The following ROBO1 variants were observed in gnomAD, a reference collection of about 807,000 sequenced individuals.
The protein encoded by ROBO1 is roundabout guidance receptor 1.
Under a neutral mutation model 195.9 loss-of-function variants are expected in ROBO1, and 149 were observed. That is an observed-to-expected ratio of 0.76 (90% CI 0.67 to 0.87). The LOEUF is 0.87. ROBO1 is among the 40% of genes least tolerant of loss of function. The pLI, the probability that ROBO1 is intolerant of heterozygous loss-of-function variation, is 0.00. For missense variants in ROBO1, 1,933 were observed against 2,068.3 expected (o/e 0.93, Z 1.27); for synonymous variants, 816 against 733.2 (o/e 1.11, Z -1.82).
At chr3:79,212,710 C>T (rs1047643165) in intron 2 of ROBO1, among the ~76,000 whole-genome samples, 1 of 151,932 alleles carries the variant, frequency 6.6e-6, no homozygotes, top group African/African-American at 2.4e-5. Flanking sequence ...GTCCCAGCTA[C>T]TTGGGAGGCT....
chr3:78,795,256 C>G (rs1428720368), intron 4 of ROBO1, among the ~76,000 whole-genome samples: 1 of 152,178 alleles, frequency 6.6e-6, no homozygotes, highest in East Asian at 1.9e-4. Flanking sequence ...ATACCCCAGG[C>G]ATCCATTTAA....
At chr3:79,690,552 T>C (rs1947269390) in intron 1 of ROBO1, among the ~76,000 whole-genome samples, 2 of 152,040 alleles carry the variant, frequency 1.3e-5, no homozygotes, top group Admixed American at 1.3e-4. Flanking sequence ...GAAATTGTGT[T>C]AGATGTCCAA....
chr3:78,874,112 A>G (rs951636416), intron 4 of ROBO1, among the ~76,000 whole-genome samples: 5 of 152,112 alleles, frequency 3.3e-5, no homozygotes, highest in African/African-American at 9.6e-5. Flanking sequence ...TTTCAAAACA[A>G]TATATTGAAT....
At chr3:79,557,415 TAAAG>T (rs2107695125) in intron 2 of ROBO1, among the ~76,000 whole-genome samples, 1 of 152,136 alleles carries the variant, frequency 6.6e-6, no homozygotes, top group African/African-American at 2.4e-5. Flanking sequence ...TTTGTGACTA[TAAAG>T]AATTTAAGAT....
intron 1 of ROBO1, among the ~76,000 whole-genome samples, chr3:79,621,881 C>T (rs1364797222): frequency 1.3e-5 from 2 of 152,144 alleles, no homozygotes; most frequent in Non-Finnish European, 1.5e-5. Context: ...TACGTAACAA[C>T]ATAATGACTG....
intron 4 of ROBO1, among the ~76,000 whole-genome samples, chr3:78,808,141 C>A (rs2084607654): frequency 6.6e-6 from 1 of 152,158 alleles, no homozygotes; most frequent in Non-Finnish European, 1.5e-5. Flanking sequence ...AATCAGAACT[C>A]CTTTTCCTAA....
chr3:78,655,785 C>G (rs75218758), intron 18 of ROBO1, among the ~76,000 whole-genome samples: 1 of 152,116 alleles, frequency 6.6e-6, no homozygotes, highest in African/African-American at 2.4e-5. Flanking sequence ...AATTACAAAG[C>G]TTCATACATC....
chr3:78,995,344 G>A (rs903635600), intron 3 of ROBO1, among the ~76,000 whole-genome samples: 2 of 152,038 alleles, frequency 1.3e-5, no homozygotes, highest in African/African-American at 2.4e-5. Flanking sequence ...GCTCCACAGG[G>A]TGGTTAATGA....
chr3:79,174,307 C>T (rs1242874780), intron 2 of ROBO1, among the ~76,000 whole-genome samples: 3 of 151,920 alleles, frequency 2.0e-5, no homozygotes, highest in African/African-American at 4.8e-5. Context: ...CAACTCCAGA[C>T]GTGCCGCCTT....
chr3:78,720,564 T>C (rs1429982392), intron 5 of ROBO1, among the ~76,000 whole-genome samples: 1 of 152,152 alleles, frequency 6.6e-6, no homozygotes, highest in Non-Finnish European at 1.5e-5. Context: ...GAACTAGAAA[T>C]ACCATTTGAC....
At chr3:78,899,490 T>A (rs2037453810) in intron 4 of ROBO1, among the ~76,000 whole-genome samples, 1 of 152,222 alleles carries the variant, frequency 6.6e-6, no homozygotes, top group African/African-American at 2.4e-5. Flanking sequence ...TAGTTCTAAC[T>A]TATATAATCC....
In ROBO1 at chr3:79,483,154, T is replaced by A. The variant is rs551387629; in HGVS notation, c.88+106670A>T. On this transcript the variant is annotated intron_variant, in intron 2 of 30. Transcript: ENST00000464233. ...TTTTTTTATGTCATGGTATTATAAT[T>A]TTTGCACTATCTAATGTAACTTCTA... Among the ~76,000 whole-genome samples, 3 of 152,288 alleles carry A rather than the reference T, an allele frequency of 2.0e-5. No individual in the cohort carries two copies. The South Asian group carries it at 6.2e-4, about 32-fold the overall frequency.
chr3:79,415,912 A>T (rs1362777607), intron 2 of ROBO1, among the ~76,000 whole-genome samples: 1 of 152,164 alleles, frequency 6.6e-6, no homozygotes, highest in Non-Finnish European at 1.5e-5. Flanking sequence ...TTTCTGGGAT[A>T]AACATTTATC....
At chr3:79,057,552 A>T (rs1289322309) in intron 3 of ROBO1, among the ~76,000 whole-genome samples, 1 of 151,874 alleles carries the variant, frequency 6.6e-6, no homozygotes, top group African/African-American at 2.4e-5. Context: ...CATCTAACTA[A>T]TCCCACCTCT....
intron 14 of ROBO1, among the ~76,000 whole-genome samples, chr3:78,667,581 C>A (rs1054398346): frequency 6.6e-6 from 1 of 152,106 alleles, no homozygotes; most frequent in Middle Eastern, 3.4e-3. Flanking sequence ...CCCTTCCCAG[C>A]CTCTGGTAAC....
At chr3:79,730,053 C>A (rs998095853) in intron 1 of ROBO1, among the ~76,000 whole-genome samples, 4 of 152,234 alleles carry the variant, frequency 2.6e-5, no homozygotes, top group Admixed American at 2.6e-4. Context: ...TGTGTATTAT[C>A]CCCATTGATG....
At chr3:79,502,054 A>C (rs1022425261) in intron 2 of ROBO1, among the ~76,000 whole-genome samples, 3 of 152,238 alleles carry the variant, frequency 2.0e-5, no homozygotes, top group Non-Finnish European at 4.4e-5. Context: ...TGAGGCTAGC[A>C]AAGCCCACAG....
rs72895969 is a variant in ROBO1 at position 79,692,365 on chromosome 3, C to T, written c.-51+75387G>A. On this transcript the variant is annotated intron_variant, in intron 1 of 30. Transcript: ENST00000464233. The stretch of plus-strand genomic sequence containing the variant: ...AAAGTAATCAGATTTGTTCTTCTGC[C>T]CTAGCTTAGAGTTAGAGAAAGATTT... Among the ~76,000 whole-genome samples, 1,169 of 151,748 alleles carry T rather than the reference C, an allele frequency of 7.7e-3. 13 individuals are homozygous for T. The highest frequency in any genetic ancestry group is 0.026 in the African/African-American group (1,094 of 41,436).
chr3:79,737,847 T>C lies in ROBO1; in HGVS notation c.-51+29905A>G, dbSNP rs148314590. Among the ~76,000 whole-genome samples, 12 of 152,310 alleles carry C rather than the reference T, an allele frequency of 7.9e-5. No individual in the cohort carries two copies. In the East Asian group the frequency reaches 2.3e-3, roughly 29 times the overall value. On this transcript the variant is annotated intron_variant, in intron 1 of 30. Transcript: ENST00000464233. ...CTGCTTTAATTATTTCCCCCTGCAGTCTTTCTGCAATTCTAAGAATCTTCA... is the reference window on the plus strand; with the variant it reads ...CTGCTTTAATTATTTCCCCCTGCAGCCTTTCTGCAATTCTAAGAATCTTCA...
Sources: gnomAD v4.1 joint callset for allele counts (sites outside exome capture counted in the v4.1 genomes callset) on GRCh38, gnomAD v4.1.1 for gene constraint, MANE v1.5 for transcripts, NCBI Gene and HGNC (gene_info 2026-07-23, HGNC 2026-07-21) for gene names.